ARHGAP10: variants seen among roughly 807,000 people sequenced by gnomAD.
The protein encoded by ARHGAP10 is rho GTPase-activating protein 10.
In ARHGAP10, 87 loss-of-function variants were observed where a neutral mutation model predicts 108.6. The ratio of observed to expected loss-of-function variants is 0.80; its 90% CI spans 0.67 to 0.96. The LOEUF (loss-of-function observed/expected upper bound fraction) is 0.96, where lower values mean the gene tolerates loss of function less well. ARHGAP10 is among the 40% of genes least tolerant of loss of function. The pLI is 0.00. For synonymous variants in ARHGAP10, 347 were observed against 341.1 expected (o/e 1.02, Z -0.19); for missense variants, 939 against 954.5 (o/e 0.98, Z 0.21).
intron 22 of ARHGAP10, among the ~76,000 whole-genome samples, chr4:148,071,590 T>C (rs189184744): frequency 1.8e-3 from 277 of 152,104 alleles, no homozygotes; most frequent in African/African-American, 6.4e-3. Context: ...CACTCCAGCC[T>C]GGGCGACAGA....
chr4:147,779,200 T>A (rs1730426606), intron 1 of ARHGAP10, among the ~76,000 whole-genome samples: 1 of 152,120 alleles, frequency 6.6e-6, no homozygotes, highest in African/African-American at 2.4e-5. Context: ...GAACCACTGC[T>A]GTGGGGAGCA....
chr4:148,047,203 G>A (rs1728927553), intron 20 of ARHGAP10, 152 bp downstream of exon 20: 1 of 938,472 alleles, frequency 1.1e-6, no homozygotes, highest in African/African-American at 1.7e-5. Flanking sequence ...AGGGAGAAGG[G>A]TCCTTAAAAC....
intron 1 of ARHGAP10, among the ~76,000 whole-genome samples, chr4:147,768,504 A>G (rs1447534095): frequency 6.6e-6 from 1 of 151,930 alleles, no homozygotes. Context: ...CCCTAATTAA[A>G]AAAAAAAAGT....
intron 18 of ARHGAP10, among the ~76,000 whole-genome samples, chr4:147,993,402 C>G (rs930223512): frequency 6.6e-6 from 1 of 152,166 alleles, no homozygotes; most frequent in African/African-American, 2.4e-5. Context: ...ACATTTATGT[C>G]TGAAATTATT....
chr4:147,846,495 G>T (rs902376980), intron 3 of ARHGAP10, among the ~76,000 whole-genome samples: 26 of 152,010 alleles, frequency 1.7e-4, no homozygotes. Context: ...TCAGCATTTT[G>T]TGGCTTAACA....
intron 16 of ARHGAP10, among the ~76,000 whole-genome samples, 184 bp downstream of exon 16, chr4:147,955,558 T>G (rs1738760160): frequency 6.6e-6 from 1 of 152,152 alleles, no homozygotes; most frequent in South Asian, 2.1e-4. Context: ...GTATATTCTT[T>G]CATTTATTCA....
chr4:147,894,966 A>G (rs1230880521), intron 10 of ARHGAP10, among the ~76,000 whole-genome samples: 3 of 152,144 alleles, frequency 2.0e-5, no homozygotes, highest in African/African-American at 7.2e-5. Context: ...TTTTAAAACA[A>G]TTTTGGCTAT....
chr4:147,978,647 G>A (rs960336585), intron 18 of ARHGAP10, among the ~76,000 whole-genome samples: 1 of 152,064 alleles, frequency 6.6e-6, no homozygotes, highest in African/African-American at 2.4e-5. Flanking sequence ...ATTTTCCTGA[G>A]GCCTCCCAGC....
chr4:148,063,350 G>A, intron 21 of ARHGAP10, 50 bp downstream of exon 21: 1 of 1,608,798 alleles, frequency 6.2e-7, no homozygotes, highest in Non-Finnish European at 8.5e-7. Context: ...ACACACAGGG[G>A]GCTTGATGAA....
At chr4:147,784,798 A>AC (rs1730787842) in intron 1 of ARHGAP10, among the ~76,000 whole-genome samples, 2 of 24,196 alleles carry the variant, frequency 8.3e-5, no homozygotes, top group African/African-American at 1.2e-4. Flanking sequence ...AATATATATT[A>AC]TAAATATAAT....
intron 10 of ARHGAP10, among the ~76,000 whole-genome samples, chr4:147,894,411 A>T (rs977987150): frequency 1.3e-5 from 2 of 152,102 alleles, no homozygotes; most frequent in African/African-American, 4.8e-5. Context: ...TGTGTTGTTG[A>T]TCTTTTTGTT....
At chr4:147,735,346 A>G (rs1728372952) in intron 1 of ARHGAP10, among the ~76,000 whole-genome samples, 1 of 152,226 alleles carries the variant, frequency 6.6e-6, no homozygotes, top group South Asian at 2.1e-4. Flanking sequence ...AGTGACAAGT[A>G]TTCTAACTTT....
At chr4:147,993,233 A>C (rs1660081391) in intron 18 of ARHGAP10, among the ~76,000 whole-genome samples, 1 of 152,206 alleles carries the variant, frequency 6.6e-6, no homozygotes, top group African/African-American at 2.4e-5. Flanking sequence ...AGTCAAACCT[A>C]ATCATTGGAA....
chr4:147,937,625 C>T (rs1054963255), intron 13 of ARHGAP10, among the ~76,000 whole-genome samples: 2 of 152,136 alleles, frequency 1.3e-5, no homozygotes, highest in Admixed American at 6.5e-5. Flanking sequence ...TCATTGCAGC[C>T]CTACTCACAA....
At chr4:147,922,256 C>T (rs1261494596) in intron 13 of ARHGAP10, among the ~76,000 whole-genome samples, 2 of 151,990 alleles carry the variant, frequency 1.3e-5, no homozygotes, top group Non-Finnish European at 2.9e-5. Flanking sequence ...GGGAGGGAGG[C>T]AGGCACTCAG....
At chr4:147,932,240 CAG>C (rs1737728942) in intron 13 of ARHGAP10, among the ~76,000 whole-genome samples, 1 of 152,134 alleles carries the variant, frequency 6.6e-6, no homozygotes, top group African/African-American at 2.4e-5. Flanking sequence ...TTGTGGAAGA[CAG>C]TGGCGATTCC....
chr4:148,063,140 A>G lies in ARHGAP10; in HGVS notation c.2028-8A>G. The G allele has an allele frequency of 6.2e-7, 1 of 1,613,926 alleles. No homozygotes were observed. ...TATTAATCCTGTCCTTCAAACTCCT[A>G]CCCTTAGCCCAGGCCAGACCCGATC... On this transcript the variant is annotated splice_region_variant and splice_polypyrimidine_tract_variant and intron_variant, in intron 20 of 22. Coordinates refer to ENST00000336498, the MANE Select transcript of ARHGAP10 (RefSeq NM_024605.4).
chr4:147,732,267 G>T lies in ARHGAP10; in HGVS notation c.-35G>T. On this transcript the variant is annotated 5_prime_UTR_variant, in exon 1 of 23. Transcript: ENST00000336498. ...CGGAGCTCGGCTCGGGCAGGAGCGC[G>T]CGGCCGTGCGCACCGCGCAGCGACC... is the stretch of plus-strand genomic sequence containing the variant. The T allele has an allele frequency of 6.5e-7, 1 of 1,533,044 alleles. No individual in the cohort carries two copies. The highest frequency in any genetic ancestry group is 8.7e-7 in the Non-Finnish European group (1 of 1,148,486). 95.0% of individuals were successfully genotyped at this position (1,533,044 alleles called of 1,614,324 possible). A position where few individuals can be genotyped will look rare whatever the true frequency, so the allele number is the denominator to read the frequency against.
chr4:148,049,544 G>T (rs1421827586), intron 20 of ARHGAP10, among the ~76,000 whole-genome samples: 2 of 152,004 alleles, frequency 1.3e-5, no homozygotes, highest in Non-Finnish European at 2.9e-5. Context: ...AGCCAATCCT[G>T]ACCTATCTTA....
Sources: allele counts gnomAD v4.1 joint callset (sites outside exome capture counted in the v4.1 genomes callset), GRCh38; gene constraint gnomAD v4.1.1; transcripts MANE v1.5; gene names NCBI Gene and HGNC (gene_info 2026-07-23, HGNC 2026-07-21).